Variants in MLLT6 observed in about 807,000 individuals in gnomAD.
MLLT6 encodes MLLT6, PHD finger containing, also known as protein AF-17.
A neutral mutation model predicts 103.0 loss-of-function variants in MLLT6; 22 were observed. The observed-to-expected ratio is 0.21, with a 90% confidence interval of 0.15 to 0.31. MLLT6 has a LOEUF of 0.31. MLLT6 is among the 10% of genes least tolerant of loss of function. The probability of loss-of-function intolerance (pLI) is 1.00; values close to 1 mark genes in which losing one functional copy is unlikely to be tolerated. For missense variants in MLLT6, 1,199 were observed against 1,441.7 expected (o/e 0.83, Z 2.73); for synonymous variants, 606 against 623.5 (o/e 0.97, Z 0.42).
rs1425897511 is a variant in MLLT6 at position 38,716,559 on chromosome 17, C to G, written c.1229C>G (p.Ser410Cys). The change falls in exon 10 of 20, where the codon TCC becomes TGC. Residue 410 changes from serine (S) to cysteine (C), a missense_variant. Ser to Cys is a moderately radical substitution (Grantham distance 112, BLOSUM62 -1). Coordinates refer to ENST00000621332, the MANE Select transcript of MLLT6 (RefSeq NM_005937.4). This position sits in a 1 kb window ranked among gnomAD's most constrained non-coding sequence, Gnocchi z 5.6. ...FSGFGPIMRFSTTTSSSGRAR... is the reference protein window; with the variant it reads ...FSGFGPIMRFCTTTSSSGRAR... ...GGCTTTGGGCCCATCATGCGCTTCT[C>G]CACCACCACCTCCAGCTCAGGCCGG... 1 of 1,614,140 alleles carries G rather than the reference C, an allele frequency of 6.2e-7. No individual in the cohort carries two copies. Among genetic ancestry groups the G allele is most frequent in the East Asian group, 2.2e-5 (1 of 44,878 alleles).
intron 3 of MLLT6, 78 bp from the exon 4 acceptor site, chr17:38,707,685 A>G (rs1904989627): frequency 8.2e-7 from 1 of 1,222,662 alleles, no homozygotes; most frequent in Non-Finnish European, 1.2e-6. Context: ...AGGAGGGAAC[A>G]GTCTGCAGCG....
chr17:38,708,590 C>T (rs1048790059), intron 4 of MLLT6, among the ~76,000 whole-genome samples: 1 of 152,200 alleles, frequency 6.6e-6, no homozygotes, highest in Non-Finnish European at 1.5e-5. Flanking sequence ...CACGTGGCTA[C>T]ATAAATTAAT....
chr17:38,716,767 C>T lies in MLLT6; in HGVS notation c.1437C>T (p.Gly479=). The T allele has an allele frequency of 6.2e-7, 1 of 1,609,114 alleles. No homozygotes were observed. The highest frequency in any genetic ancestry group is 8.5e-7 in the Non-Finnish European group (1 of 1,177,852). Residue 479 remains glycine (G), a synonymous_variant, in exon 10 of 20, where the codon GGC becomes GGT. Coordinates refer to ENST00000621332, the MANE Select transcript of MLLT6 (RefSeq NM_005937.4). This position sits in a 1 kb window ranked among gnomAD's most constrained non-coding sequence, Gnocchi z 5.6. The part of the protein sequence containing the change: ...KASKRSRHGP[G]RPKGSRNKEG... Reference sequence around the variant, plus strand: ...GCAAGAGGAGCCGCCATGGGCCAGGCCGTCCCAAGGGCAGCCGGAACAAGG... The same window carrying T: ...GCAAGAGGAGCCGCCATGGGCCAGGTCGTCCCAAGGGCAGCCGGAACAAGG...
intron 6 of MLLT6, among the ~76,000 whole-genome samples, chr17:38,711,624 G>A (rs933503665): frequency 1.3e-5 from 2 of 152,126 alleles, no homozygotes; most frequent in Admixed American, 6.5e-5. Flanking sequence ...GGGCCTCAGT[G>A]GTTGACTCTG....
Position 38,705,450 on chromosome 17 carries a change from G to GC in MLLT6, c.-183_-182insC. ...GGGGGCGGCCAGACAGAGCGAGCGA[G>GC]GAGGAGGAGGAGGAGGACGCGGAGG... On this transcript the variant is annotated 5_prime_UTR_variant, in exon 1 of 20. It introduces an in-frame stop codon into an upstream open reading frame of the 5' UTR. Coordinates refer to ENST00000621332, the MANE Select transcript of MLLT6 (RefSeq NM_005937.4). 1.5e-5 allele frequency: 4 copies of GC among 265,522 alleles called. No individual in the cohort carries two copies. The highest frequency in any genetic ancestry group is 6.7e-5 in the South Asian group (1 of 14,988). 16.4% of individuals were successfully genotyped at this position (265,522 alleles called of 1,614,324 possible). A position where few individuals can be genotyped will look rare whatever the true frequency, so the allele number is the denominator to read the frequency against.
Position 38,729,125 on chromosome 17 carries a change from T to A in MLLT6, c.*3527T>A, listed in dbSNP as rs1906190560. ...CGAGAAAGGGTAACCTCCACGCTTC[T>A]CTCTCCCAAATTGGAAATGAAGACA... On this transcript the variant is annotated 3_prime_UTR_variant, in exon 20 of 20. Coordinates refer to ENST00000621332, the MANE Select transcript of MLLT6 (RefSeq NM_005937.4). 4.3e-6 allele frequency: 1 copy of A among 233,280 alleles called. No individual in the cohort carries two copies. The highest frequency in any genetic ancestry group is 6.0e-5 in the East Asian group (1 of 16,588). The allele number at this position is 233,280 out of a possible 1,614,324, so 14.5% of individuals were successfully genotyped here. A position where few individuals can be genotyped will look rare whatever the true frequency, so the allele number is the denominator to read the frequency against.
chr17:38,712,141 AC>A, intron 7 of MLLT6, 127 bp downstream of exon 7: 2 of 1,369,938 alleles, frequency 1.5e-6, no homozygotes, highest in Non-Finnish European at 1.9e-6. Context: ...CTCTGAGGCC[AC>A]TGAGGGCAGG....
In MLLT6 at chr17:38,716,853, C is replaced by T; in HGVS notation, c.1523C>T (p.Ala508Val). ...LPSAQLAGFT[A>V]TAASPFSGGS... ...AGTGCCCAGCTGGCTGGCTTTACCG[C>T]CACTGCTGCCTCACCCTTCTCTGGA... Residue 508 changes from alanine (A) to valine (V), a missense_variant, in exon 10 of 20, where the codon GCC becomes GTC. Physicochemically the swap from Ala to Val is moderately conservative, Grantham distance 64. Coordinates refer to ENST00000621332, the MANE Select transcript of MLLT6 (RefSeq NM_005937.4). This position sits in a 1 kb window ranked among gnomAD's most constrained non-coding sequence, Gnocchi z 5.6. 1.2e-6 allele frequency: 2 copies of T among 1,613,480 alleles called. No homozygotes were observed. Among genetic ancestry groups the T allele is most frequent in the Non-Finnish European group, 1.7e-6 (2 of 1,179,708 alleles).
At position 38,707,879 on chromosome 17, in the gene MLLT6, G is replaced by T. The variant is rs760621983; in HGVS notation, c.354+7G>T. 3 of 1,579,764 alleles carry T rather than the reference G, an allele frequency of 1.9e-6. No homozygotes were observed. The highest frequency in any genetic ancestry group is 2.6e-6 in the Non-Finnish European group (3 of 1,153,056). On this transcript the variant is annotated splice_region_variant and intron_variant, in intron 4 of 19. Coordinates refer to ENST00000621332, the MANE Select transcript of MLLT6 (RefSeq NM_005937.4). ...TCATGATCGCTTCAACAAGGTCAGC[G>T]GCCCCCCGCCGTGTCCCCTACCAGT...
chr17:38,720,815 C>T, intron 16 of MLLT6, 68 bp downstream of exon 16: 5 of 1,393,986 alleles, frequency 3.6e-6, no homozygotes, highest in Non-Finnish European at 5.0e-6. Context: ...CCATCTCTTC[C>T]CCGCAGCTAT....
At chr17:38,720,041 T>A in intron 14 of MLLT6, 146 bp downstream of exon 14, 1 of 1,182,594 alleles carries the variant, frequency 8.5e-7, no homozygotes, top group East Asian at 2.6e-5. Context: ...TCACCTCCCA[T>A]CCCTGCCAGG....
intron 6 of MLLT6, among the ~76,000 whole-genome samples, chr17:38,710,785 CCT>C (rs1379596576): frequency 4.7e-4 from 71 of 152,222 alleles, no homozygotes; most frequent in African/African-American, 1.6e-3. Flanking sequence ...TATTAGTTCC[CCT>C]GTTTCATTTT....
rs771432825 is a variant in MLLT6, at chr17:38,722,641, T to A, written c.2793-37T>A. 191 of 521,378 alleles carry A rather than the reference T, an allele frequency of 3.7e-4. 1 individual carries two copies. The highest frequency in any genetic ancestry group is 6.5e-4 in the Non-Finnish European group (174 of 268,730). 32.3% of individuals were successfully genotyped at this position (521,378 alleles called of 1,614,324 possible). ...TTCCCTGGCCCTCCCCCATGGTCTG[T>A]GTGTTGTCCCCCCCCCACCCCCCAC... On this transcript the variant is annotated intron_variant, in intron 17 of 19. Transcript: ENST00000621332.
In MLLT6 at chr17:38,727,863, C is replaced by G. The variant is rs1384040490; in HGVS notation, c.*2265C>G. The G allele has an allele frequency of 1.7e-5, 4 of 233,064 alleles. No homozygotes were observed. The highest frequency in any genetic ancestry group is 2.5e-5 in the Non-Finnish European group (3 of 117,994). The allele number at this position is 233,064 out of a possible 1,614,324, so 14.4% of individuals were successfully genotyped here. A position where few individuals can be genotyped will look rare whatever the true frequency, so the allele number is the denominator to read the frequency against. On this transcript the variant is annotated 3_prime_UTR_variant, in exon 20 of 20. Transcript: ENST00000621332. Reference sequence around the variant, plus strand: ...AGAGTTGCTCATTCACACCCACGCCCTTGCCCAAGGCTGGCCCACTTAGAG... The same window carrying G: ...AGAGTTGCTCATTCACACCCACGCCGTTGCCCAAGGCTGGCCCACTTAGAG...
intron 1 of MLLT6, 68 bp from the exon 2 acceptor site, chr17:38,706,882 C>G: frequency 7.3e-7 from 1 of 1,365,668 alleles, no homozygotes; most frequent in Non-Finnish European, 1.0e-6. Flanking sequence ...CACCGCCTTC[C>G]CCCAGTTACC....
chr17:38,709,633 G>A lies in MLLT6; in HGVS notation c.552+58G>A. ...AGTCAGCTGTGGTAAGATGGTTAGA[G>A]GGCATGGGCTCTGGGCCAGGCCAGT... is the stretch of plus-strand genomic sequence containing the variant. On this transcript the variant is annotated intron_variant, in intron 6 of 19. Transcript: ENST00000621332. The surrounding 1 kb of genome is among the most constrained non-coding windows in gnomAD (Gnocchi z 4.3). 1 of 1,391,616 alleles carries A rather than the reference G, an allele frequency of 7.2e-7. No individual in the cohort carries two copies. Among genetic ancestry groups the A allele is most frequent in the Non-Finnish European group, 1.0e-6 (1 of 981,484 alleles). 86.2% of individuals were successfully genotyped at this position (1,391,616 alleles called of 1,614,324 possible). A position where few individuals can be genotyped will look rare whatever the true frequency, so the allele number is the denominator to read the frequency against.
At chr17:38,712,316 G>A (rs542302540) in intron 7 of MLLT6, among the ~76,000 whole-genome samples, 7 of 152,284 alleles carry the variant, frequency 4.6e-5, no homozygotes, top group South Asian at 2.1e-4. Context: ...GCCATGTGCC[G>A]CCTAGTAAGT....
chr17:38,725,385 C>T, intron 19 of MLLT6, 172 bp from the exon 20 acceptor site: 1 of 623,044 alleles, frequency 1.6e-6, no homozygotes, highest in Non-Finnish European at 2.8e-6. Flanking sequence ...AGGGTGGTTT[C>T]ACACCCCTGC....
At chr17:38,718,170 T>G (rs914006354) in intron 12 of MLLT6, 1 of 445,840 alleles carries the variant, frequency 2.2e-6, no homozygotes, top group Non-Finnish European at 3.9e-6. Flanking sequence ...AGATCAGGAG[T>G]TTGAGACCAG....
Sources: allele counts gnomAD v4.1 joint callset (sites outside exome capture counted in the v4.1 genomes callset), GRCh38; gene constraint gnomAD v4.1.1; non-coding constraint Gnocchi (gnomAD v3.1); transcripts MANE v1.5; gene names NCBI Gene and HGNC (gene_info 2026-07-23, HGNC 2026-07-21).